Variants in HAPLN1 observed in about 807,000 individuals in gnomAD.
The protein encoded by HAPLN1 is Cartilage link protein.
In HAPLN1, 13 loss-of-function variants were observed where a neutral mutation model predicts 36.5. The observed-to-expected ratio is 0.36, with a 90% confidence interval of 0.23 to 0.57. HAPLN1 has a LOEUF of 0.57. Ranked by LOEUF, HAPLN1 falls within the 20% of genes least tolerant of loss-of-function variation. The pLI is 0.83. For synonymous variants in HAPLN1, 202 were observed against 169.8 expected (o/e 1.19, Z -1.48); for missense variants, 407 against 439.7 (o/e 0.93, Z 0.66).
At chr5:83,705,108 G>T (rs573527066) in intron 1 of HAPLN1, among the ~76,000 whole-genome samples, 1 of 152,276 alleles carries the variant, frequency 6.6e-6, no homozygotes, top group South Asian at 2.1e-4. Flanking sequence ...AAAATTGCTT[G>T]GCCAGGCGCA....
At chr5:83,652,221 G>A (rs919291187) in intron 3 of HAPLN1, 22 of 438,256 alleles carry the variant, frequency 5.0e-5, no homozygotes, top group East Asian at 2.6e-4. Context: ...TCCACTGCAC[G>A]TTTCTCCTAG....
chr5:83,651,147 A>G (rs1198051869), intron 3 of HAPLN1, among the ~76,000 whole-genome samples: 1 of 152,180 alleles, frequency 6.6e-6, no homozygotes, highest in Non-Finnish European at 1.5e-5. Context: ...TTTGCTATAT[A>G]AACATAGGGT....
At chr5:83,648,395 C>CTATATA (rs56115447) in intron 3 of HAPLN1, among the ~76,000 whole-genome samples, 929 of 60,446 alleles carry the variant, frequency 0.015, 33 homozygotes, top group Non-Finnish European at 0.018. Context: ...CTATATTTGA[C>CTATATA]TATATATATA....
In HAPLN1 at chr5:83,692,123, A is replaced by C. The variant is rs186192524; in HGVS notation, c.-26-18574T>G. On this transcript the variant is annotated intron_variant, in intron 1 of 4. Coordinates refer to ENST00000274341, the MANE Select transcript of HAPLN1 (RefSeq NM_001884.4). ...AGAAGAAAAATGACTGAAAACTAAA[A>C]AGGAAAAGAGCATCACTAAACTGTG... 4.7e-3 allele frequency among the ~76,000 whole-genome samples: 710 copies of C among 151,996 alleles called. 2 individuals are homozygous for C. Among genetic ancestry groups the C allele is most frequent in the African/African-American group, 0.016 (662 of 41,540 alleles).
At position 83,644,636 on chromosome 5, in the gene HAPLN1, C is replaced by G; in HGVS notation, c.502G>C (p.Gly168Arg). 1.3e-6 allele frequency: 2 copies of G among 1,487,318 alleles called. No individual in the cohort carries two copies. The highest frequency in any genetic ancestry group is 1.8e-6 in the Non-Finnish European group (2 of 1,115,276). The allele number at this position is 1,487,318 out of a possible 1,614,324, so 92.1% of individuals were successfully genotyped here. A position where few individuals can be genotyped will look rare whatever the true frequency, so the allele number is the denominator to read the frequency against. The stretch of plus-strand genomic sequence containing the variant: ...TCGTGAAAATTGAGATTGTAGCGCC[C>G]CAGTCGTGGAAAGTAAGGGAATACC... ...GVVFPYFPRL[G>R]RYNLNFHEAQ... Residue 168 changes from glycine to arginine, a missense_variant, in exon 4 of 5, where the codon GGG (glycine) becomes CGG (arginine). Gly to Arg is a moderately radical substitution (Grantham distance 125). Coordinates refer to ENST00000274341, the MANE Select transcript of HAPLN1 (RefSeq NM_001884.4).
intron 2 of HAPLN1, among the ~76,000 whole-genome samples, chr5:83,653,930 G>T (rs537263700): frequency 4.0e-4 from 61 of 152,350 alleles, no homozygotes; most frequent in African/African-American, 1.4e-3. Flanking sequence ...ATATCTTTGT[G>T]TCTATACACA....
chr5:83,665,172 C>G (rs1393791963), intron 2 of HAPLN1, among the ~76,000 whole-genome samples: 1 of 150,886 alleles, frequency 6.6e-6, no homozygotes, highest in Non-Finnish European at 1.5e-5. Flanking sequence ...GCTGAAGAAA[C>G]CAAAAAGAAA....
chr5:83,672,377 A>T (rs890981449), intron 2 of HAPLN1, among the ~76,000 whole-genome samples: 1 of 152,228 alleles, frequency 6.6e-6, no homozygotes, highest in Non-Finnish European at 1.5e-5. Flanking sequence ...CTTGCAGAGT[A>T]AAATGTATGA....
At chr5:83,694,587 TAAAC>T (rs1373622541) in intron 1 of HAPLN1, among the ~76,000 whole-genome samples, 3 of 152,010 alleles carry the variant, frequency 2.0e-5, no homozygotes, top group African/African-American at 7.2e-5. Context: ...TCTATAGAAA[TAAAC>T]AATAAGAAAA....
chr5:83,646,813 A>G (rs1186555289), intron 3 of HAPLN1, among the ~76,000 whole-genome samples: 2 of 152,192 alleles, frequency 1.3e-5, no homozygotes, highest in Non-Finnish European at 2.9e-5. Flanking sequence ...CTGGTCCCTC[A>G]TATCTTTTAT....
chr5:83,696,430 C>G (rs1276232820), intron 1 of HAPLN1, among the ~76,000 whole-genome samples: 1 of 151,702 alleles, frequency 6.6e-6, no homozygotes, highest in Admixed American at 6.6e-5. Flanking sequence ...ATGTAAATTC[C>G]CTGGAATAGC....
intron 3 of HAPLN1, 58 bp downstream of exon 3, chr5:83,652,395 A>C: frequency 6.6e-7 from 1 of 1,524,170 alleles, no homozygotes; most frequent in African/African-American, 1.4e-5. Flanking sequence ...CTCTTCATGA[A>C]AAAAAAAGCA....
At chr5:83,711,041 A>C (rs934712001) in intron 1 of HAPLN1, among the ~76,000 whole-genome samples, 8 of 152,184 alleles carry the variant, frequency 5.3e-5, no homozygotes, top group Admixed American at 2.0e-4. Flanking sequence ...TATCCAAGAA[A>C]ACTGGAGGAA....
chr5:83,668,431 C>G (rs1425447541), intron 2 of HAPLN1, among the ~76,000 whole-genome samples: 1 of 152,190 alleles, frequency 6.6e-6, no homozygotes, highest in African/African-American at 2.4e-5. Flanking sequence ...ATGCAAAGCT[C>G]TGAGTCTTGA....
intron 1 of HAPLN1, among the ~76,000 whole-genome samples, chr5:83,696,162 A>G (rs1017887138): frequency 6.6e-6 from 1 of 152,166 alleles, no homozygotes; most frequent in African/African-American, 2.4e-5. Context: ...AAAGAATACC[A>G]TATACCAAAG....
Position 83,639,839 on chromosome 5 carries a change from C to G in HAPLN1, c.*1657G>C, listed in dbSNP as rs954399666. On this transcript the variant is annotated 3_prime_UTR_variant, in exon 5 of 5. Transcript: ENST00000274341. ...GATATGTTTTTGATGAAAGAAAGGA[C>G]CTACTTTTATTACAATATTTTGTCT... 1.3e-5 allele frequency: 2 copies of G among 151,966 alleles called. No homozygotes were observed. The highest frequency in any genetic ancestry group is 2.9e-5 in the Non-Finnish European group (2 of 67,924). The allele number at this position is 151,966 out of a possible 1,614,324, so 9.4% of individuals were successfully genotyped here.
chr5:83,710,859 G>T (rs1053225520), intron 1 of HAPLN1, among the ~76,000 whole-genome samples: 4 of 151,966 alleles, frequency 2.6e-5, no homozygotes, highest in Non-Finnish European at 5.9e-5. Context: ...GGTGAGACAG[G>T]AAAACTGCTC....
chr5:83,701,454 T>C (rs1407142495), intron 1 of HAPLN1, among the ~76,000 whole-genome samples: 1 of 152,220 alleles, frequency 6.6e-6, no homozygotes, highest in Non-Finnish European at 1.5e-5. Context: ...ATCTGCCTAT[T>C]GTATTACACA....
chr5:83,690,790 AT>A (rs1430440662), intron 1 of HAPLN1, among the ~76,000 whole-genome samples: 1 of 152,058 alleles, frequency 6.6e-6, no homozygotes, highest in Admixed American at 6.6e-5. Flanking sequence ...ATTCAGGCAT[AT>A]TATTATGATC....
Sources: allele counts gnomAD v4.1 joint callset (sites outside exome capture counted in the v4.1 genomes callset), GRCh38; gene constraint gnomAD v4.1.1; transcripts MANE v1.5; gene names NCBI Gene and HGNC (gene_info 2026-07-23, HGNC 2026-07-21).